Variants in LIMA1 observed in about 807,000 individuals in gnomAD.
LIMA1 encodes LIM domain and actin-binding protein 1.
Under a neutral mutation model 62.6 loss-of-function variants are expected in LIMA1, and 52 were observed. That is an observed-to-expected ratio of 0.83 (90% CI 0.67 to 1.05). LIMA1 has a LOEUF of 1.05. LIMA1 is among the 50% of genes least tolerant of loss of function. LIMA1 has a pLI of 0.00. For missense variants in LIMA1, 780 were observed against 902.2 expected, an observed-to-expected ratio of 0.86 and a Z score of 1.74; for synonymous variants, 302 against 317.8, an observed-to-expected ratio of 0.95 and a Z score of 0.53.
At chr12:50,215,441 A>T (rs1044753702) in intron 4 of LIMA1, among the ~76,000 whole-genome samples, 5 of 152,002 alleles carry the variant, frequency 3.3e-5, no homozygotes, top group African/African-American at 1.2e-4. Context: ...TGTCTATTTT[A>T]CCTGAATATA....
At chr12:50,183,679 C>T (rs889278212) in intron 9 of LIMA1, among the ~76,000 whole-genome samples, 2 of 151,472 alleles carry the variant, frequency 1.3e-5, no homozygotes, top group African/African-American at 4.9e-5. Flanking sequence ...GGCATGGTGG[C>T]GTGTGCCTAT....
At chr12:50,259,244 T>C (rs1942036083) in intron 1 of LIMA1, among the ~76,000 whole-genome samples, 1 of 152,192 alleles carries the variant, frequency 6.6e-6, no homozygotes, top group Non-Finnish European at 1.5e-5. Flanking sequence ...CATGGCCCTT[T>C]TCCAAACTGC....
At chr12:50,250,563 CAAAAAAAA>C (rs754126420) in intron 1 of LIMA1, among the ~76,000 whole-genome samples, 32 of 33,894 alleles carry the variant, frequency 9.4e-4, no homozygotes, top group African/African-American at 2.4e-3. Context: ...AAGATGTTCT[CAAAAAAAA>C]AAAAAAAAAA....
At chr12:50,219,835 A>G (rs561853129) in intron 4 of LIMA1, 1 of 151,850 alleles carries the variant, frequency 6.6e-6, no homozygotes, top group South Asian at 2.1e-4. Context: ...ATCAATGCAT[A>G]CTACCACACC....
chr12:50,200,408 C>G (rs917079398), intron 7 of LIMA1, among the ~76,000 whole-genome samples: 20 of 149,288 alleles, frequency 1.3e-4, no homozygotes, highest in African/African-American at 4.9e-4. Flanking sequence ...ACCCTGTGGG[C>G]TAGGCTGGTC....
At chr12:50,272,619 G>T (rs1942227337) in intron 1 of LIMA1, among the ~76,000 whole-genome samples, 1 of 150,074 alleles carries the variant, frequency 6.7e-6, no homozygotes, top group Admixed American at 6.7e-5. Flanking sequence ...AATCTGAGCA[G>T]CTACCACGTA....
At chr12:50,254,785 C>T (rs1243008746) in intron 1 of LIMA1, among the ~76,000 whole-genome samples, 1 of 152,094 alleles carries the variant, frequency 6.6e-6, no homozygotes, top group Non-Finnish European at 1.5e-5. Flanking sequence ...AACAGCCGGG[C>T]GCGGTGGCTT....
intron 8 of LIMA1, among the ~76,000 whole-genome samples, chr12:50,194,386 T>C (rs1282205491): frequency 6.6e-6 from 1 of 151,788 alleles, no homozygotes; most frequent in Non-Finnish European, 1.5e-5. Context: ...AACCTCCACC[T>C]CCTGGGTTCA....
chr12:50,237,915 T>C (rs889782806), intron 2 of LIMA1, among the ~76,000 whole-genome samples: 1 of 152,174 alleles, frequency 6.6e-6, no homozygotes, highest in African/African-American at 2.4e-5. Context: ...TGGACTACCA[T>C]ATACAAAAAT....
chr12:50,267,525 T>C (rs1490604179), intron 1 of LIMA1, among the ~76,000 whole-genome samples: 4 of 150,638 alleles, frequency 2.7e-5, no homozygotes, highest in African/African-American at 9.8e-5. Context: ...TGGCCACATT[T>C]ACTTTTTTTT....
At position 50,232,430 on chromosome 12, in the gene LIMA1, C is replaced by T. The variant is rs368544123; in HGVS notation, c.120-720G>A. ...TGTTACCCAGGCTGAAGTTCAGTAG[C>T]GTGATCTTGTCACACTGCAACCTCC... On this transcript the variant is annotated intron_variant, in intron 2 of 10. Transcript: ENST00000341247. Among the ~76,000 whole-genome samples, 8 of 149,456 alleles carry T rather than the reference C, an allele frequency of 5.4e-5. 1 individual carries two copies. The highest frequency in any genetic ancestry group is 9.9e-5 in the African/African-American group (4 of 40,532).
intron 9 of LIMA1, among the ~76,000 whole-genome samples, chr12:50,184,684 A>C (rs922834636): frequency 6.6e-6 from 1 of 152,100 alleles, no homozygotes; most frequent in African/African-American, 2.4e-5. Flanking sequence ...AAGCAGAATA[A>C]ATTTTTGGTG....
rs1397512645 is a variant in LIMA1, at chr12:50,191,058, G to GTGA, written c.1140+1391_1140+1393dup. On this transcript the variant is annotated intron_variant, in intron 9 of 10. Coordinates refer to ENST00000341247, the MANE Select transcript of LIMA1 (RefSeq NM_016357.5). ...CAGGAGATAGAGGCTGCAGGGAGCT[G>GTGA]TGACCACACCACTGCACTCCAGCCT... 1.2e-4 allele frequency among the ~76,000 whole-genome samples: 17 copies of GTGA among 145,458 alleles called. No individual in the cohort carries two copies. In the East Asian group the frequency reaches 3.5e-3, roughly 30 times the overall value.
intron 3 of LIMA1, among the ~76,000 whole-genome samples, chr12:50,228,886 TA>T (rs1483692348): frequency 2.0e-5 from 3 of 152,240 alleles, no homozygotes; most frequent in Non-Finnish European, 4.4e-5. Flanking sequence ...GCTATTCTTT[TA>T]TTTTTTACTT....
chr12:50,275,236 G>A (rs962611164), intron 1 of LIMA1, among the ~76,000 whole-genome samples: 2 of 151,840 alleles, frequency 1.3e-5, no homozygotes, highest in Non-Finnish European at 1.5e-5. Flanking sequence ...GCGTGGTGGC[G>A]CGTGCCTGTA....
At chr12:50,276,329 G>A (rs765036301) in intron 1 of LIMA1, among the ~76,000 whole-genome samples, 2 of 152,168 alleles carry the variant, frequency 1.3e-5, no homozygotes, top group African/African-American at 2.4e-5. Context: ...CTGGGTGTAC[G>A]CAGATGCATG....
At chr12:50,204,377 T>G in intron 6 of LIMA1, 175 bp downstream of exon 6, 2 of 671,032 alleles carry the variant, frequency 3.0e-6, no homozygotes, top group South Asian at 3.3e-5. Flanking sequence ...AAAGTCAGGA[T>G]TAGACCATGG....
At position 50,231,673 on chromosome 12, in the gene LIMA1, T is replaced by G. The variant is rs200515862; in HGVS notation, c.157A>C (p.Lys53Gln). ...KAAEETNMEK[K>Q]RSNTENLSQH... is the part of the protein sequence containing the mutation. ...AATTTCTGAATACTTACACTTCTCTTCTTCTCCATGTTTGTTTCTTCAGCT... is the reference window on the plus strand; with the variant it reads ...AATTTCTGAATACTTACACTTCTCTGCTTCTCCATGTTTGTTTCTTCAGCT... Residue 53 changes from lysine to glutamine, a missense_variant, in exon 3 of 11, where the codon AAG becomes CAG. By Grantham distance (53) the Lys-to-Gln change is moderately conservative. Transcript: ENST00000341247. The G allele has an allele frequency of 2.9e-5, 46 of 1,614,002 alleles. No homozygotes were observed. Among genetic ancestry groups the G allele is most frequent in the Non-Finnish European group, 7.6e-6 (9 of 1,179,958 alleles).
At chr12:50,272,975 AG>A (rs1942233068) in intron 1 of LIMA1, among the ~76,000 whole-genome samples, 1 of 150,690 alleles carries the variant, frequency 6.6e-6, no homozygotes, top group Admixed American at 6.6e-5. Flanking sequence ...GCGTGAACCC[AG>A]GAGGTGGAGC....
Sources: gnomAD v4.1 joint callset for allele counts (sites outside exome capture counted in the v4.1 genomes callset) on GRCh38, gnomAD v4.1.1 for gene constraint, MANE v1.5 for transcripts, NCBI Gene and HGNC (gene_info 2026-07-23, HGNC 2026-07-21) for gene names.